Variants in ST6GAL1 observed in about 807,000 individuals in gnomAD.
The protein encoded by ST6GAL1 is ST6 beta-galactoside alpha-2,6-sialyltransferase 1, also known as beta-galactoside alpha-2,6-sialyltransferase 1.
Under a neutral mutation model 38.0 loss-of-function variants are expected in ST6GAL1, and 20 were observed. The ratio of observed to expected loss-of-function variants is 0.53; its 90% CI spans 0.37 to 0.77. The LOEUF (loss-of-function observed/expected upper bound fraction) is 0.77, where lower values mean the gene tolerates loss of function less well. ST6GAL1 is among the 30% of genes least tolerant of loss of function. The pLI is 0.00. For missense variants in ST6GAL1, 432 were observed against 496.4 expected (o/e 0.87, Z 1.23); for synonymous variants, 196 against 188.2 (o/e 1.04, Z -0.34).
intron 1 of ST6GAL1, among the ~76,000 whole-genome samples, chr3:186,948,167 A>G (rs531885221): frequency 1.3e-5 from 2 of 152,104 alleles, no homozygotes; most frequent in African/African-American, 4.8e-5. Context: ...CAGCTTGGTG[A>G]GGGTGGAGGA....
rs182507759 is a variant in ST6GAL1, at chr3:187,052,308, A to T, written c.705+962A>T. 3.3e-3 allele frequency among the ~76,000 whole-genome samples: 499 copies of T among 152,228 alleles called. 3 individuals carry two copies. Among genetic ancestry groups the T allele is most frequent in the African/African-American group, 0.011 (472 of 41,550 alleles). ...CCACAACCTTAAGAAACTTTTTTTTAAAATTATACTTTAAGTTCTAGGGTA... is the reference window on the plus strand; with the variant it reads ...CCACAACCTTAAGAAACTTTTTTTTTAAATTATACTTTAAGTTCTAGGGTA... On this transcript the variant is annotated intron_variant, in intron 5 of 7. Transcript: ENST00000169298.
rs939413087 is a variant in ST6GAL1 at position 186,950,127 on chromosome 3, G to A, written c.-324-13658G>A. Reference sequence around the variant, plus strand: ...AGTTGCACAAGCTGTGGAGGGAGCTGGAGGCAGGGGCAGAGAAGGCCAGAA... The same window carrying A: ...AGTTGCACAAGCTGTGGAGGGAGCTAGAGGCAGGGGCAGAGAAGGCCAGAA... On this transcript the variant is annotated intron_variant, in intron 1 of 7. Transcript: ENST00000169298. 5.4e-4 allele frequency among the ~76,000 whole-genome samples: 82 copies of A among 152,176 alleles called. 3 individuals carry two copies. The highest frequency in any genetic ancestry group is 1.5e-5 in the Non-Finnish European group (1 of 68,036).
At chr3:186,937,515 A>G (rs1026754323) in intron 1 of ST6GAL1, among the ~76,000 whole-genome samples, 3 of 152,166 alleles carry the variant, frequency 2.0e-5, no homozygotes, top group African/African-American at 7.2e-5. Context: ...TAAATGAGCA[A>G]CTCCAAGGTC....
At chr3:187,057,150 C>T (rs1355382317) in intron 5 of ST6GAL1, among the ~76,000 whole-genome samples, 1 of 152,164 alleles carries the variant, frequency 6.6e-6, no homozygotes, top group Non-Finnish European at 1.5e-5. Context: ...TTTTCAGCTC[C>T]ATCAGGTCAT....
At chr3:186,984,691 A>G (rs1471654205) in intron 2 of ST6GAL1, among the ~76,000 whole-genome samples, 3 of 148,850 alleles carry the variant, frequency 2.0e-5, no homozygotes, top group Non-Finnish European at 3.0e-5. Context: ...TCAACCCAGT[A>G]CTTCCGATCT....
intron 5 of ST6GAL1, among the ~76,000 whole-genome samples, chr3:187,065,240 TC>T (rs1375647926): frequency 2.0e-5 from 3 of 152,138 alleles, no homozygotes; most frequent in African/African-American, 7.2e-5. Flanking sequence ...CCTCAGGTGA[TC>T]CACCTGCCTC....
At chr3:186,975,417 C>G (rs115251486) in intron 2 of ST6GAL1, among the ~76,000 whole-genome samples, 1,538 of 152,220 alleles carry the variant, frequency 0.01, 11 homozygotes, top group Non-Finnish European at 0.017. Flanking sequence ...ATGATGTGGA[C>G]TTGACTTGGA....
chr3:187,037,377 A>T (rs1196342508), intron 2 of ST6GAL1, among the ~76,000 whole-genome samples: 1 of 151,928 alleles, frequency 6.6e-6, no homozygotes, highest in Non-Finnish European at 1.5e-5. Context: ...GTTCATGTTG[A>T]TTACCTCTTT....
intron 1 of ST6GAL1, among the ~76,000 whole-genome samples, chr3:186,951,229 G>T (rs1412643199): frequency 2.0e-5 from 3 of 152,060 alleles, no homozygotes; most frequent in Non-Finnish European, 4.4e-5. Context: ...CTCATTTTTT[G>T]TATTTTTAGT....
intron 2 of ST6GAL1, among the ~76,000 whole-genome samples, chr3:186,965,842 GT>G (rs925731909): frequency 6.6e-6 from 1 of 152,210 alleles, no homozygotes; most frequent in African/African-American, 2.4e-5. Flanking sequence ...TCTCTAGTGT[GT>G]TTGGACTTAA....
At chr3:186,935,593 G>C (rs1043857915) in intron 1 of ST6GAL1, among the ~76,000 whole-genome samples, 1 of 152,144 alleles carries the variant, frequency 6.6e-6, no homozygotes, top group Non-Finnish European at 1.5e-5. Context: ...TTTCTACAAT[G>C]GTTGAACTAA....
At chr3:187,041,510 G>A (rs1223342156) in intron 3 of ST6GAL1, among the ~76,000 whole-genome samples, 1 of 152,184 alleles carries the variant, frequency 6.6e-6, no homozygotes, top group Non-Finnish European at 1.5e-5. Context: ...TAAATTCTGA[G>A]AAAACAAAGT....
At chr3:186,969,051 CTTTTTTTT>C (rs34520153) in intron 2 of ST6GAL1, among the ~76,000 whole-genome samples, 2 of 89,254 alleles carry the variant, frequency 2.2e-5, no homozygotes, top group Non-Finnish European at 4.7e-5. Context: ...TTCTCTTTTT[CTTTTTTTT>C]TTTTTTTTTT....
chr3:187,009,177 T>C (rs1451455498), intron 2 of ST6GAL1, among the ~76,000 whole-genome samples: 1 of 151,916 alleles, frequency 6.6e-6, no homozygotes, highest in Non-Finnish European at 1.5e-5. Context: ...ATATTCTTTA[T>C]TTATTCAATC....
At chr3:186,986,105 T>G (rs972222870) in intron 2 of ST6GAL1, among the ~76,000 whole-genome samples, 1 of 152,122 alleles carries the variant, frequency 6.6e-6, no homozygotes, top group Non-Finnish European at 1.5e-5. Context: ...TGGGGAAGTG[T>G]AAGCAAGTCA....
chr3:186,953,963 T>G (rs1419536165), intron 1 of ST6GAL1, among the ~76,000 whole-genome samples: 2 of 152,158 alleles, frequency 1.3e-5, no homozygotes, highest in Admixed American at 6.5e-5. Flanking sequence ...CATTAGCTAT[T>G]TATCCTGATG....
intron 5 of ST6GAL1, among the ~76,000 whole-genome samples, chr3:187,066,202 A>G (rs1649232187): frequency 6.6e-6 from 1 of 152,140 alleles, no homozygotes; most frequent in Admixed American, 6.5e-5. Flanking sequence ...GCTAAAATTT[A>G]ATCATGATGG....
intron 1 of ST6GAL1, among the ~76,000 whole-genome samples, chr3:186,954,502 C>T (rs4261869): frequency 0.89 from 135,519 of 152,232 alleles, 60,410 homozygotes; most frequent in Middle Eastern, 0.96. Flanking sequence ...TGTTGTTTCA[C>T]GGCTTTACTA....
intron 5 of ST6GAL1, among the ~76,000 whole-genome samples, chr3:187,065,379 C>CA (rs1163945642): frequency 6.6e-6 from 1 of 151,968 alleles, no homozygotes; most frequent in African/African-American, 2.4e-5. Flanking sequence ...GCATGCAAAA[C>CA]AAAAAAGGCA....
Sources: gnomAD v4.1 joint callset for allele counts (sites outside exome capture counted in the v4.1 genomes callset) on GRCh38, gnomAD v4.1.1 for gene constraint, MANE v1.5 for transcripts, NCBI Gene and HGNC (gene_info 2026-07-23, HGNC 2026-07-21) for gene names.